Variants in TCF20 observed in about 807,000 individuals in gnomAD.
TCF20 encodes the protein SPRE-binding protein.
Under a neutral mutation model 148.6 loss-of-function variants are expected in TCF20, and 3 were observed. That is an observed-to-expected ratio of 0.02 (90% CI 0.01 to 0.05). The LOEUF (loss-of-function observed/expected upper bound fraction) is 0.05. TCF20 is among the 10% of genes least tolerant of loss of function. The pLI, the probability that TCF20 is intolerant of heterozygous loss-of-function variation, is 1.00. For synonymous variants in TCF20, 1,049 were observed against 909.5 expected, an observed-to-expected ratio of 1.15 and a Z score of -2.76; for missense variants, 2,350 against 2,429.3, an observed-to-expected ratio of 0.97 and a Z score of 0.69.
chr22:42,238,845 C>T (rs760672992), intron 1 of TCF20, among the ~76,000 whole-genome samples: 3 of 152,196 alleles, frequency 2.0e-5, no homozygotes, highest in South Asian at 2.1e-4. Context: ...AGGCCGGGCG[C>T]GGTGGCTCAC....
intron 1 of TCF20, among the ~76,000 whole-genome samples, chr22:42,327,455 C>A (rs1489228163): frequency 6.6e-6 from 1 of 152,194 alleles, no homozygotes; most frequent in South Asian, 2.1e-4. Context: ...CACCAACCTG[C>A]AGCTGGGCCC....
chr22:42,244,412 A>T (rs1009487858), intron 1 of TCF20, among the ~76,000 whole-genome samples: 2 of 152,244 alleles, frequency 1.3e-5, no homozygotes, highest in African/African-American at 2.4e-5. Context: ...GAACGGATGA[A>T]CAGATTGTGG....
chr22:42,307,596 G>A (rs748544921), intron 1 of TCF20, among the ~76,000 whole-genome samples: 2 of 152,264 alleles, frequency 1.3e-5, no homozygotes, highest in Non-Finnish European at 2.9e-5. Context: ...TCCCAACTGT[G>A]ATGATGGTGA....
chr22:42,165,255 A>G (rs567629057), intron 5 of TCF20, among the ~76,000 whole-genome samples: 1 of 152,372 alleles, frequency 6.6e-6, no homozygotes, highest in Admixed American at 6.5e-5. Context: ...GTCCAGCTCC[A>G]GGGGCAGGGG....
chr22:42,231,873 G>T (rs571659461), intron 1 of TCF20, among the ~76,000 whole-genome samples: 1 of 143,708 alleles, frequency 7.0e-6, no homozygotes, highest in South Asian at 2.2e-4. Flanking sequence ...AGCTTGCAGT[G>T]AGCCAAGATC....
rs1218857476 is a variant in TCF20, at chr22:42,299,022, A to G, written c.-37+44457T>C. On this transcript the variant is annotated intron_variant, in intron 1 of 1. Coordinates refer to the TCF20 transcript ENST00000515426. The surrounding 1 kb of genome is among the most constrained non-coding windows in gnomAD (Gnocchi z 4.1). ...AGCCTTAGAAGCTGTGGACCAACTG[A>G]AACAGAGAATAACCATGGCAGTGAT... 6.6e-6 allele frequency among the ~76,000 whole-genome samples: 1 copy of G among 152,348 alleles called. No individual in the cohort carries two copies. The highest frequency in any genetic ancestry group is 1.9e-4 in the East Asian group (1 of 5,162).
chr22:42,199,704 T>C (rs961423889), intron 2 of TCF20, among the ~76,000 whole-genome samples: 1 of 14,976 alleles, frequency 6.7e-5, no homozygotes, highest in African/African-American at 2.1e-4. Flanking sequence ...ACCCCATCTC[T>C]ACAAAAAAAA....
intron 2 of TCF20, among the ~76,000 whole-genome samples, chr22:42,189,202 CAT>C (rs757821450): frequency 6.6e-6 from 1 of 152,160 alleles, no homozygotes; most frequent in Non-Finnish European, 1.5e-5. Context: ...CAAGAGGCAG[CAT>C]AGACTTCGAA....
intron 1 of TCF20, among the ~76,000 whole-genome samples, chr22:42,236,368 A>G (rs1402946465): frequency 6.6e-6 from 1 of 152,212 alleles, no homozygotes; most frequent in East Asian, 1.9e-4. Context: ...CCTGGGATCT[A>G]CAGTCCATTC....
At position 42,210,938 on chromosome 22, in the gene TCF20, G is replaced by T; in HGVS notation, c.4368C>A (p.Ala1456=). Residue 1456 remains alanine, a synonymous_variant, in exon 2 of 6, where the codon GCC becomes GCA. Coordinates refer to ENST00000677622, the MANE Select transcript of TCF20 (RefSeq NM_001378418.1). The surrounding 1 kb of genome is among the most constrained non-coding windows in gnomAD (Gnocchi z 4.7). ...KTETHAETVT[A]GKEPPGAMTS... The stretch of plus-strand genomic sequence containing the variant: ...TCATGGCACCAGGGGGTTCCTTTCC[G>T]GCAGTAACTGTTTCTGCATGTGTCT... The T allele has an allele frequency of 6.2e-7, 1 of 1,614,028 alleles. No individual in the cohort carries two copies. Among genetic ancestry groups the T allele is most frequent in the Non-Finnish European group, 8.5e-7 (1 of 1,180,024 alleles).
At chr22:42,229,682 C>G (rs1259100786) in intron 1 of TCF20, among the ~76,000 whole-genome samples, 1 of 152,192 alleles carries the variant, frequency 6.6e-6, no homozygotes, top group Non-Finnish European at 1.5e-5. Context: ...GCGCTCCGAC[C>G]TCTTGATTTG....
intron 2 of TCF20, among the ~76,000 whole-genome samples, chr22:42,188,723 G>T (rs1236681342): frequency 6.6e-6 from 1 of 152,186 alleles, no homozygotes; most frequent in Non-Finnish European, 1.5e-5. Flanking sequence ...CTTAGGAGTT[G>T]ATGGTATCGA....
chr22:42,331,969 C>A (rs1035498906), intron 1 of TCF20, among the ~76,000 whole-genome samples: 27 of 152,222 alleles, frequency 1.8e-4, no homozygotes, highest in African/African-American at 6.3e-4. Flanking sequence ...CAAATACTAG[C>A]AAGATGCTAT....
chr22:42,322,491 C>T (rs1927751073), intron 1 of TCF20, among the ~76,000 whole-genome samples: 3 of 151,868 alleles, frequency 2.0e-5, no homozygotes, highest in African/African-American at 7.2e-5. Flanking sequence ...TGGGGAGGAG[C>T]TCCCGTGGAG....
intron 1 of TCF20, among the ~76,000 whole-genome samples, chr22:42,304,545 C>T (rs958914777): frequency 2.0e-5 from 3 of 152,182 alleles, no homozygotes; most frequent in African/African-American, 4.8e-5. Context: ...TGCACTGCCG[C>T]GCAGAGATCC....
chr22:42,237,703 T>C (rs1039954000), intron 1 of TCF20, among the ~76,000 whole-genome samples: 1 of 152,236 alleles, frequency 6.6e-6, no homozygotes, highest in Non-Finnish European at 1.5e-5. Context: ...GGCTGCAGAA[T>C]AGATGTTGTG....
chr22:42,177,271 C>T (rs980185349), intron 3 of TCF20, among the ~76,000 whole-genome samples: 3 of 152,038 alleles, frequency 2.0e-5, no homozygotes, highest in Non-Finnish European at 2.9e-5. Context: ...AAAAATTAGC[C>T]GGGCATGGTG....
chr22:42,275,953 G>C (rs532056807), intron 1 of TCF20, among the ~76,000 whole-genome samples: 1 of 152,260 alleles, frequency 6.6e-6, no homozygotes, highest in East Asian at 1.9e-4. Flanking sequence ...GGAAACTGAG[G>C]CACAGAGCAG....
chr22:42,303,572 C>G (rs1927377351), intron 1 of TCF20, among the ~76,000 whole-genome samples: 1 of 152,242 alleles, frequency 6.6e-6, no homozygotes, highest in South Asian at 2.1e-4. Flanking sequence ...AGCACATGAA[C>G]TGGGAATGGA....
Sources: gnomAD v4.1 joint callset for allele counts (sites outside exome capture counted in the v4.1 genomes callset) on GRCh38, gnomAD v4.1.1 for gene constraint, Gnocchi (gnomAD v3.1) non-coding constraint, MANE v1.5 for transcripts, NCBI Gene and HGNC (gene_info 2026-07-23, HGNC 2026-07-21) for gene names.